The following AFG2A variants were observed in gnomAD, a reference collection of about 807,000 sequenced individuals.
AFG2A encodes AAA ATPase AFG2A.
chr4:123,273,968 A>T, the AFG2A span, among the ~76,000 whole-genome samples: 2 of 152,084 alleles, frequency 1.3e-5, no homozygotes, highest in African/African-American at 4.8e-5. Flanking sequence ...TTAGCTAAGG[A>T]CCTGTCTATG....
chr4:123,105,567 C>T, the AFG2A span, among the ~76,000 whole-genome samples: 2 of 152,090 alleles, frequency 1.3e-5, no homozygotes, highest in Non-Finnish European at 2.9e-5. Flanking sequence ...AGTCACCATT[C>T]TAGATGCCAT....
At chr4:122,927,346 A>G in the AFG2A span, among the ~76,000 whole-genome samples, 513 of 152,314 alleles carry the variant, frequency 3.4e-3, 3 homozygotes, top group Middle Eastern at 0.014. Flanking sequence ...TTTTGCAATT[A>G]TGTTTACTTC....
the AFG2A span, among the ~76,000 whole-genome samples, chr4:123,215,638 A>G: frequency 4.6e-5 from 7 of 151,960 alleles, no homozygotes; most frequent in African/African-American, 1.4e-4. Flanking sequence ...TTAATTTCCT[A>G]CCAGTTCACT....
At chr4:123,218,277 G>T in the AFG2A span, among the ~76,000 whole-genome samples, 1 of 152,196 alleles carries the variant, frequency 6.6e-6, no homozygotes, top group South Asian at 2.1e-4. Flanking sequence ...GTAGGCAATG[G>T]ATGGAAGAAA....
chr4:123,287,523 G>A, the AFG2A span, among the ~76,000 whole-genome samples: 2 of 152,176 alleles, frequency 1.3e-5, no homozygotes, highest in Non-Finnish European at 2.9e-5. Flanking sequence ...AAACCAACTT[G>A]TTAAGACTAA....
the AFG2A span, among the ~76,000 whole-genome samples, chr4:123,095,328 G>A: frequency 6.6e-6 from 1 of 151,880 alleles, no homozygotes; most frequent in African/African-American, 2.4e-5. Flanking sequence ...CTACTCAGAT[G>A]ATATATACTG....
At chr4:123,096,921 A>G in the AFG2A span, among the ~76,000 whole-genome samples, 2,142 of 152,250 alleles carry the variant, frequency 0.014, 15 homozygotes, top group Middle Eastern at 0.051. Context: ...TAAATAAGAC[A>G]TAACATTTTG....
the AFG2A span, among the ~76,000 whole-genome samples, chr4:122,951,991 A>G: frequency 1.3e-5 from 2 of 152,302 alleles, no homozygotes; most frequent in South Asian, 2.1e-4. Context: ...TGTTGCAGGT[A>G]TGTAAGCCAT....
At chr4:123,303,488 G>A in the AFG2A span, among the ~76,000 whole-genome samples, 2 of 152,114 alleles carry the variant, frequency 1.3e-5, no homozygotes, top group South Asian at 2.1e-4. Flanking sequence ...CGTTAAGGCC[G>A]GGCATGGTGG....
At chr4:123,131,467 ACAGAAAATCTGTACCCATT>A in the AFG2A span, among the ~76,000 whole-genome samples, 3 of 152,202 alleles carry the variant, frequency 2.0e-5, no homozygotes, top group South Asian at 6.2e-4. Flanking sequence ...ATCATGGAAA[ACAGAAAATCTGTACCCATT>A]AAACAACTCT....
chr4:122,985,142 G>A, the AFG2A span, among the ~76,000 whole-genome samples: 1 of 143,406 alleles, frequency 7.0e-6, no homozygotes, highest in Non-Finnish European at 1.5e-5. Context: ...TTTTTTTTGA[G>A]ACGGAGTAGT....
chr4:123,169,879 A>G, the AFG2A span, among the ~76,000 whole-genome samples: 1 of 152,168 alleles, frequency 6.6e-6, no homozygotes, highest in Non-Finnish European at 1.5e-5. Context: ...CGTAACAGAG[A>G]GTATGGTTGG....
At chr4:122,948,556 G>T in the AFG2A span, among the ~76,000 whole-genome samples, 2 of 152,074 alleles carry the variant, frequency 1.3e-5, no homozygotes, top group Non-Finnish European at 2.9e-5. Flanking sequence ...CCTTAAAATT[G>T]AGTGTCATGC....
chr4:123,209,413 A>C, the AFG2A span, among the ~76,000 whole-genome samples: 1 of 151,908 alleles, frequency 6.6e-6, no homozygotes, highest in African/African-American at 2.4e-5. Flanking sequence ...GAGCAGAGGG[A>C]AAAAAATTTT....
chr4:123,079,656 A>G, the AFG2A span, among the ~76,000 whole-genome samples: 2 of 150,944 alleles, frequency 1.3e-5, no homozygotes, highest in African/African-American at 4.9e-5. Flanking sequence ...TAACCTTCCT[A>G]TTGATAAATC....
chr4:123,102,572 T>C, the AFG2A span, among the ~76,000 whole-genome samples: 1 of 152,088 alleles, frequency 6.6e-6, no homozygotes, highest in Non-Finnish European at 1.5e-5. Context: ...TCTAACTGTA[T>C]GATTAAAGTT....
chr4:122,979,372 A>C, the AFG2A span: 6 of 1,614,010 alleles, frequency 3.7e-6, no homozygotes, highest in Middle Eastern at 1.6e-4. Context: ...GGAAATAGCA[A>C]TTGATGTCCC....
the AFG2A span, among the ~76,000 whole-genome samples, chr4:123,234,892 T>C: frequency 6.6e-6 from 1 of 152,164 alleles, no homozygotes; most frequent in African/African-American, 2.4e-5. Flanking sequence ...TTTTATTATC[T>C]ATAAAGTGAG....
chr4:122,935,372 CTG>C, the AFG2A span, among the ~76,000 whole-genome samples: 1 of 151,904 alleles, frequency 6.6e-6, no homozygotes, highest in Non-Finnish European at 1.5e-5. Context: ...TGGAAAAAAA[CTG>C]GGATTGGTGG....
Sources: gnomAD v4.1 joint callset for allele counts (sites outside exome capture counted in the v4.1 genomes callset) on GRCh38, gnomAD v4.1.1 for gene constraint, MANE v1.5 for transcripts, NCBI Gene and HGNC (gene_info 2026-07-23, HGNC 2026-07-21) for gene names.